CNTRL: variants seen among roughly 807,000 people sequenced by gnomAD.
CNTRL encodes 110 kDa centrosomal protein.
Under a neutral mutation model 303.7 loss-of-function variants are expected in CNTRL, and 233 were observed. The ratio of observed to expected loss-of-function variants is 0.77; its 90% CI spans 0.69 to 0.86. The LOEUF is 0.86. Ranked by LOEUF, CNTRL falls within the 40% of genes least tolerant of loss-of-function variation. The pLI is 0.00. For synonymous variants in CNTRL, 900 were observed against 922.2 expected (o/e 0.98, Z 0.44); for missense variants, 2,524 against 2,650.6 (o/e 0.95, Z 1.05).
rs1305488640 is a variant in CNTRL at position 121,141,435 on chromosome 9, A to G, written c.2538A>G (p.Gln846=). The part of the protein sequence containing the change: ...LGKSLADLQK[Q]FSEILARSKW... ...AAAGTCTTGCTGATTTACAGAAACA[A>G]TTCAGTGAAATTCTTGCACGCTCCA... The change falls in exon 18 of 44, where the codon CAA becomes CAG. Residue 846 remains glutamine, a synonymous_variant. Transcript: ENST00000373855. 10 of 1,613,956 alleles carry G rather than the reference A, an allele frequency of 6.2e-6. No homozygotes were observed. Among genetic ancestry groups the G allele is most frequent in the African/African-American group, 1.3e-5 (1 of 74,914 alleles).
chr9:121,105,815 C>G (rs1449978429), intron 7 of CNTRL, among the ~76,000 whole-genome samples: 1 of 152,112 alleles, frequency 6.6e-6, no homozygotes, highest in Non-Finnish European at 1.5e-5. Context: ...GGGACAGATG[C>G]TAGATTATAA....
chr9:121,145,382 A>C lies in CNTRL; in HGVS notation c.3307A>C (p.Ser1103Arg). The C allele has an allele frequency of 6.2e-7, 1 of 1,600,954 alleles. No homozygotes were observed. The highest frequency in any genetic ancestry group is 8.5e-7 in the Non-Finnish European group (1 of 1,176,496). ...RLQNVLDLTG[S>R]DNKGGFENVL... is the part of the protein sequence containing the mutation. ...GCAGAATGTACTAGACCTCACTGGA[A>C]GTGGTAAAGTATTGGGCTTTGATTT... Residue 1103 changes from serine to arginine, a missense_variant, in exon 22 of 44, where the codon AGT becomes CGT. By Grantham distance (110) the Ser-to-Arg change is moderately radical (BLOSUM62 -1). Coordinates refer to ENST00000373855, the MANE Select transcript of CNTRL (RefSeq NM_007018.6).
intron 36 of CNTRL, among the ~76,000 whole-genome samples, chr9:121,166,927 A>T (rs915574500): frequency 2.6e-5 from 4 of 151,868 alleles, no homozygotes; most frequent in African/African-American, 9.7e-5. Context: ...AGGCTGAGGC[A>T]GGAGAATCGC....
chr9:121,141,558 G>A lies in CNTRL; in HGVS notation c.2661G>A (p.Arg887=). Residue 887 remains arginine, a synonymous_variant, in exon 18 of 44, where the codon AGG becomes AGA. Transcript: ENST00000373855. ...EKLATGQEEF[R]QACERALEAR... is the part of the protein sequence containing the mutation. ...TGGCAACTGGACAAGAAGAGTTCAG[G>A]CAGGCCTGTGAGAGAGCCCTGGAAG... is the stretch of plus-strand genomic sequence containing the variant. The A allele has an allele frequency of 6.2e-7, 1 of 1,614,090 alleles. No individual in the cohort carries two copies. The highest frequency in any genetic ancestry group is 8.5e-7 in the Non-Finnish European group (1 of 1,179,996).
At position 121,146,247 on chromosome 9, in the gene CNTRL, A is replaced by G. The variant is rs1317598880; in HGVS notation, c.3450A>G (p.Pro1150=). The G allele has an allele frequency of 1.9e-6, 3 of 1,608,636 alleles. No homozygotes were observed. The highest frequency in any genetic ancestry group is 2.5e-6 in the Non-Finnish European group (3 of 1,178,682). ...RGYWYFMPPP[P]SSKVSSHSSQ... ...ATTGGTACTTTATGCCACCACCACC[A>G]TCATCAAAAGTAGGAATTCTGTGGT... The change falls in exon 23 of 44, where the codon CCA becomes CCG. Residue 1150 remains proline, a synonymous_variant. Transcript: ENST00000373855.
At chr9:121,158,194 T>G in intron 30 of CNTRL, 85 bp downstream of exon 30, 1 of 1,463,176 alleles carries the variant, frequency 6.8e-7, no homozygotes, top group South Asian at 1.3e-5. Context: ...TAGAAAAGAA[T>G]AAATGCGGCT....
At chr9:121,118,218 C>G (rs1206807670) in intron 11 of CNTRL, 128 bp from the exon 12 acceptor site, 2 of 662,566 alleles carry the variant, frequency 3.0e-6, no homozygotes, top group Non-Finnish European at 4.6e-6. Flanking sequence ...TTAGATAACT[C>G]CCACATTTCA....
At position 121,094,909 on chromosome 9, in the gene CNTRL, T is replaced by C; in HGVS notation, c.370T>C (p.Cys124Arg). ...TTAGTATATTGAGAATTTGGAAAAA[T>C]GTGTTAAACTTGAAGTACTGAATCT... ...KFKYIENLEKCVKLEVLNLSY... is the reference protein window; with the variant it reads ...KFKYIENLEKRVKLEVLNLSY... The change falls in exon 5 of 44, where the codon TGT becomes CGT. Residue 124 changes from cysteine (C) to arginine (R), a missense_variant. Physicochemically the swap from Cys to Arg is radical, Grantham distance 180. Transcript: ENST00000373855. 1 of 1,575,134 alleles carries C rather than the reference T, an allele frequency of 6.3e-7. No homozygotes were observed. Among genetic ancestry groups the C allele is most frequent in the Non-Finnish European group, 8.7e-7 (1 of 1,155,502 alleles).
chr9:121,076,415 G>A (rs1011384733), intron 1 of CNTRL, among the ~76,000 whole-genome samples: 1 of 152,126 alleles, frequency 6.6e-6, no homozygotes, highest in African/African-American at 2.4e-5. Context: ...AGGATGGAAA[G>A]GCAAATAGGC....
chr9:121,139,520 A>G lies in CNTRL; in HGVS notation c.2337+841A>G, dbSNP rs561278926. ...AATATTTGTTCCTTGAAGTTTAAAG[A>G]AATCTAATAACCTGGAATTTAATTT... is the stretch of plus-strand genomic sequence containing the variant. On this transcript the variant is annotated intron_variant, in intron 16 of 43. Coordinates refer to ENST00000373855, the MANE Select transcript of CNTRL (RefSeq NM_007018.6). 4.1e-4 allele frequency among the ~76,000 whole-genome samples: 62 copies of G among 152,334 alleles called. 1 individual carries two copies. In the South Asian group the frequency reaches 0.012, roughly 31 times the overall value.
intron 20 of CNTRL, among the ~76,000 whole-genome samples, chr9:121,144,470 A>G (rs2051714505): frequency 6.6e-6 from 1 of 151,972 alleles, no homozygotes; most frequent in Non-Finnish European, 1.5e-5. Flanking sequence ...TCATAGTATG[A>G]CTCCTTACTG....
rs899799208 is a variant in CNTRL at position 121,095,161 on chromosome 9, T to C, written c.479+143T>C. The C allele has an allele frequency of 4.6e-6, 3 of 647,742 alleles. No individual in the cohort carries two copies. In the East Asian group the frequency reaches 9.4e-5, roughly 20 times the overall value. The allele number at this position is 647,742 out of a possible 1,614,324, so 40.1% of individuals were successfully genotyped here. A position where few individuals can be genotyped will look rare whatever the true frequency, so the allele number is the denominator to read the frequency against. On this transcript the variant is annotated intron_variant, in intron 5 of 43. Coordinates refer to ENST00000373855, the MANE Select transcript of CNTRL (RefSeq NM_007018.6). ...TTTATTCATCAATCAAATGAATGTC[T>C]GTCTCTTCACATATGGTAGGTAACT...
chr9:121,142,905 A>G (rs1301464446), intron 19 of CNTRL, among the ~76,000 whole-genome samples: 1 of 149,972 alleles, frequency 6.7e-6, no homozygotes, highest in Non-Finnish European at 1.5e-5. Context: ...GTGGTCTACC[A>G]ACTATAACTT....
intron 1 of CNTRL, among the ~76,000 whole-genome samples, chr9:121,079,133 GGACTAA>G (rs765454398): frequency 8.6e-5 from 13 of 151,898 alleles, no homozygotes; most frequent in South Asian, 2.1e-4. Context: ...ATAGCAAAAG[GGACTAA>G]GACTAAGTAT....
At chr9:121,138,718 A>G (rs1281680328) in intron 16 of CNTRL, 39 bp downstream of exon 16, 2 of 1,598,174 alleles carry the variant, frequency 1.3e-6, no homozygotes, top group Admixed American at 1.7e-5. Flanking sequence ...CTTACACAGA[A>G]CACCCAAAGA....
At chr9:121,173,104 A>G in intron 40 of CNTRL, 139 bp from the exon 41 acceptor site, 1 of 758,734 alleles carries the variant, frequency 1.3e-6, no homozygotes, top group Non-Finnish European at 2.0e-6. Context: ...AGTATCTGAA[A>G]AATCACAAGT....
chr9:121,088,080 A>G (rs1285566615), intron 2 of CNTRL, among the ~76,000 whole-genome samples: 1 of 152,198 alleles, frequency 6.6e-6, no homozygotes, highest in Admixed American at 6.5e-5. Context: ...CAGCTGGAGC[A>G]TGTGTCAATT....
At position 121,148,847 on chromosome 9, in the gene CNTRL, T is replaced by G; in HGVS notation, c.3635T>G (p.Leu1212Arg). 1 of 1,612,738 alleles carries G rather than the reference T, an allele frequency of 6.2e-7. No homozygotes were observed. The highest frequency in any genetic ancestry group is 1.3e-5 in the African/African-American group (1 of 75,032). ...CCCATCAGGAGTGGGTTACATAAACTGTTTCCAAGTAGAGGTAAGTCAAAT... is the reference window on the plus strand; with the variant it reads ...CCCATCAGGAGTGGGTTACATAAACGGTTTCCAAGTAGAGGTAAGTCAAAT... ...YSPIRSGLHK[L>R]FPSRDADSGG... Residue 1212 changes from leucine to arginine, a missense_variant, in exon 24 of 44, where the codon CTG becomes CGG. By Grantham distance (102) the Leu-to-Arg change is moderately radical (BLOSUM62 -2). Transcript: ENST00000373855.
Position 121,157,807 on chromosome 9 carries a change from A to G in CNTRL, c.4564A>G (p.Ile1522Val), listed in dbSNP as rs2131684454. The G allele has an allele frequency of 6.2e-7, 1 of 1,614,266 alleles. No homozygotes were observed. Among genetic ancestry groups the G allele is most frequent in the Non-Finnish European group, 8.5e-7 (1 of 1,180,042 alleles). ...CAAGCAAGAAGAAATCTTGAAAGAAATAAACAAAATTGTAGCAGCAAAAGA... is the reference window on the plus strand; with the variant it reads ...CAAGCAAGAAGAAATCTTGAAAGAAGTAAACAAAATTGTAGCAGCAAAAGA... ...KIKQEEILKE[I>V]NKIVAAKDSD... Residue 1522 changes from isoleucine to valine, a missense_variant, in exon 29 of 44, where the codon ATA becomes GTA. Physicochemically the swap from Ile to Val is conservative, Grantham distance 29. Coordinates refer to ENST00000373855, the MANE Select transcript of CNTRL (RefSeq NM_007018.6).
Sources: allele counts gnomAD v4.1 joint callset (sites outside exome capture counted in the v4.1 genomes callset), GRCh38; gene constraint gnomAD v4.1.1; transcripts MANE v1.5; gene names NCBI Gene and HGNC (gene_info 2026-07-23, HGNC 2026-07-21).